BRINP1: variants seen among roughly 807,000 people sequenced by gnomAD.
BRINP1 encodes BMP/retinoic acid inducible neural specific 1, also known as BMP/retinoic acid-inducible neural-specific protein 1.
In BRINP1, 17 loss-of-function variants were observed where a neutral mutation model predicts 72.9. That is an observed-to-expected ratio of 0.23 (90% CI 0.16 to 0.35). BRINP1 has a LOEUF of 0.35. BRINP1 is among the 10% of genes least tolerant of loss of function. The pLI is 1.00. For synonymous variants in BRINP1, 418 were observed against 378.5 expected, an observed-to-expected ratio of 1.10 and a Z score of -1.21; for missense variants, 850 against 1,001.6, an observed-to-expected ratio of 0.85 and a Z score of 2.04.
At chr9:119,357,876 G>A (rs1487703217) in intron 1 of BRINP1, among the ~76,000 whole-genome samples, 1 of 152,162 alleles carries the variant, frequency 6.6e-6, no homozygotes, top group Non-Finnish European at 1.5e-5. Context: ...CCTTGTCTTT[G>A]GGACACCACC....
rs190588234 is a variant in BRINP1, at chr9:119,357,521, A to C, written c.-51+11535T>G. 3.7e-3 allele frequency among the ~76,000 whole-genome samples: 558 copies of C among 152,334 alleles called. 3 individuals are homozygous for C. Among genetic ancestry groups the C allele is most frequent in the Non-Finnish European group, 6.5e-3 (443 of 68,032 alleles). On this transcript the variant is annotated intron_variant, in intron 1 of 7. Coordinates refer to ENST00000265922, the MANE Select transcript of BRINP1 (RefSeq NM_014618.3). ...AGCATTTGAACTAAGGGTGCAGATAAGCATGCTAAGCTAAGATTTCCTGCC... is the reference window on the plus strand; with the variant it reads ...AGCATTTGAACTAAGGGTGCAGATACGCATGCTAAGCTAAGATTTCCTGCC...
At chr9:119,347,829 C>A (rs188056564) in intron 1 of BRINP1, among the ~76,000 whole-genome samples, 1 of 152,202 alleles carries the variant, frequency 6.6e-6, no homozygotes, top group Admixed American at 6.5e-5. Context: ...TTTTTAAGGA[C>A]ACTTTTTGGT....
intron 2 of BRINP1, among the ~76,000 whole-genome samples, chr9:119,310,583 A>C (rs1376294087): frequency 6.6e-6 from 1 of 152,122 alleles, no homozygotes; most frequent in African/African-American, 2.4e-5. Flanking sequence ...TTTCTTTCTG[A>C]AGCTTCCCAA....
chr9:119,183,289 A>G (rs931813844), intron 7 of BRINP1, among the ~76,000 whole-genome samples: 21 of 152,350 alleles, frequency 1.4e-4, no homozygotes, highest in African/African-American at 5.1e-4. Context: ...TATATAAACA[A>G]TAAAATATTT....
Position 119,201,407 on chromosome 9 carries a change from G to A in BRINP1, c.1145+7312C>T, listed in dbSNP as rs1411410951. Among the ~76,000 whole-genome samples the A allele has an allele frequency of 3.9e-5, 6 of 152,306 alleles. No individual in the cohort carries two copies. In the East Asian group the frequency reaches 1.2e-3, roughly 29 times the overall value. ...GTTGAGAAGGACCTCAGAGATAATTGAGTCTTGTTGTTTTTGTTTTAGCAA... is the reference window on the plus strand; with the variant it reads ...GTTGAGAAGGACCTCAGAGATAATTAAGTCTTGTTGTTTTTGTTTTAGCAA... On this transcript the variant is annotated intron_variant, in intron 7 of 7. Coordinates refer to ENST00000265922, the MANE Select transcript of BRINP1 (RefSeq NM_014618.3).
chr9:119,331,551 G>A (rs571630465), intron 1 of BRINP1, among the ~76,000 whole-genome samples: 44 of 152,258 alleles, frequency 2.9e-4, no homozygotes, highest in African/African-American at 1.0e-3. Flanking sequence ...TCCTTCTATG[G>A]TACTGGTTTG....
chr9:119,334,152 C>G (rs1831327147), intron 1 of BRINP1, among the ~76,000 whole-genome samples: 1 of 152,150 alleles, frequency 6.6e-6, no homozygotes, highest in African/African-American at 2.4e-5. Context: ...AGATCCTTTG[C>G]CTCAAAATAT....
At chr9:119,358,991 T>C (rs1831601960) in intron 1 of BRINP1, among the ~76,000 whole-genome samples, 1 of 152,192 alleles carries the variant, frequency 6.6e-6, no homozygotes, top group African/African-American at 2.4e-5. Context: ...AACCTAATAA[T>C]ACTTTTTTTC....
intron 2 of BRINP1, among the ~76,000 whole-genome samples, chr9:119,266,767 T>G (rs1371600558): frequency 2.6e-5 from 4 of 152,248 alleles, no homozygotes; most frequent in African/African-American, 9.6e-5. Flanking sequence ...TTTCTGTGCC[T>G]GGCTTATTTC....
intron 1 of BRINP1, among the ~76,000 whole-genome samples, chr9:119,356,310 C>T (rs1268950283): frequency 6.6e-6 from 1 of 152,190 alleles, no homozygotes; most frequent in Non-Finnish European, 1.5e-5. Context: ...TCTCACCAGG[C>T]CATCTGGTCC....
chr9:119,248,883 T>G, intron 3 of BRINP1, 77 bp downstream of exon 3: 1 of 1,312,986 alleles, frequency 7.6e-7, no homozygotes, highest in Non-Finnish European at 1.1e-6. Context: ...GGCTTTGCTG[T>G]TAAGACATCC....
At chr9:119,293,414 A>G (rs1304046189) in intron 2 of BRINP1, among the ~76,000 whole-genome samples, 1 of 152,210 alleles carries the variant, frequency 6.6e-6, no homozygotes, top group Non-Finnish European at 1.5e-5. Context: ...GCATATTAGC[A>G]AGACTCTTCT....
chr9:119,299,597 G>A (rs568518276), intron 2 of BRINP1, among the ~76,000 whole-genome samples: 12 of 150,516 alleles, frequency 8.0e-5, no homozygotes, highest in African/African-American at 2.4e-4. Context: ...TGGGTGACAC[G>A]GCGAGACTCC....
At chr9:119,309,276 A>T (rs1831035104) in intron 2 of BRINP1, among the ~76,000 whole-genome samples, 2 of 152,206 alleles carry the variant, frequency 1.3e-5, no homozygotes, top group South Asian at 4.1e-4. Flanking sequence ...GCCCATGGTC[A>T]AAGGAAGCCT....
intron 1 of BRINP1, among the ~76,000 whole-genome samples, chr9:119,324,852 C>A (rs1272832668): frequency 6.6e-6 from 1 of 152,154 alleles, no homozygotes; most frequent in Non-Finnish European, 1.5e-5. Flanking sequence ...GTAATCCCAA[C>A]ACTTTGGGAG....
At chr9:119,318,843 GGGT>G (rs1831153767) in intron 1 of BRINP1, among the ~76,000 whole-genome samples, 2 of 118,390 alleles carry the variant, frequency 1.7e-5, no homozygotes, top group East Asian at 3.1e-4. Context: ...GAAATGTGTG[GGGT>G]GTGTGTGTGT....
chr9:119,294,193 G>A (rs530619558), intron 2 of BRINP1, among the ~76,000 whole-genome samples: 50 of 152,256 alleles, frequency 3.3e-4, no homozygotes, highest in Middle Eastern at 6.8e-3. Flanking sequence ...AAAACACTTA[G>A]GGATACAGTT....
chr9:119,278,376 G>T (rs1830676271), intron 2 of BRINP1, among the ~76,000 whole-genome samples: 1 of 152,200 alleles, frequency 6.6e-6, no homozygotes, highest in Admixed American at 6.5e-5. Flanking sequence ...GGGCCGCCTT[G>T]CTGACTGATT....
intron 1 of BRINP1, among the ~76,000 whole-genome samples, chr9:119,352,097 C>T (rs1440924034): frequency 1.3e-5 from 2 of 151,956 alleles, no homozygotes; most frequent in Non-Finnish European, 2.9e-5. Context: ...CACACCCAGC[C>T]TGCTTCAAGT....
Sources: allele counts gnomAD v4.1 joint callset (sites outside exome capture counted in the v4.1 genomes callset), GRCh38; gene constraint gnomAD v4.1.1; transcripts MANE v1.5; gene names NCBI Gene and HGNC (gene_info 2026-07-23, HGNC 2026-07-21).